The following DKKL1 variants were observed in gnomAD, a reference collection of about 807,000 sequenced individuals.
DKKL1 encodes dickkopf like acrosomal protein 1.
A neutral mutation model predicts 16.5 loss-of-function variants in DKKL1; 11 were observed. The observed-to-expected ratio is 0.67, with a 90% CI of 0.42 to 1.10. The LOEUF (loss-of-function observed/expected upper bound fraction) is 1.10. Ranked by LOEUF, DKKL1 falls within the 50% of genes least tolerant of loss-of-function variation. The pLI is 0.00. For synonymous variants in DKKL1, 119 were observed against 133.2 expected (o/e 0.89, Z 0.73); for missense variants, 320 against 308.1 (o/e 1.04, Z -0.29).
intron 4 of DKKL1, 101 bp downstream of exon 4, chr19:49,365,986 G>A: frequency 8.8e-7 from 1 of 1,130,286 alleles, no homozygotes; most frequent in Non-Finnish European, 1.2e-6. Context: ...GGAGTGCAGT[G>A]GCACGATCTT....
chr19:49,369,512 C>G (rs1973390383), intron 4 of DKKL1: 1 of 151,994 alleles, frequency 6.6e-6, no homozygotes, highest in Non-Finnish European at 1.5e-5. Context: ...TATCTGCCCA[C>G]CGAGCTACTC....
chr19:49,369,210 T>C (rs1973377488), intron 4 of DKKL1: 1 of 152,198 alleles, frequency 6.6e-6, no homozygotes, highest in Non-Finnish European at 1.5e-5. Flanking sequence ...AATTTTTCCT[T>C]GCGACACCAA....
intron 2 of DKKL1, among the ~76,000 whole-genome samples, chr19:49,364,973 G>C (rs558453611): frequency 2.6e-4 from 39 of 152,078 alleles, no homozygotes; most frequent in African/African-American, 8.7e-4. Flanking sequence ...TTGGAGACCA[G>C]CCTGGGTAAC....
At chr19:49,370,920 G>A (rs1452859094) in intron 4 of DKKL1, 2 of 152,216 alleles carry the variant, frequency 1.3e-5, no homozygotes, top group Admixed American at 6.5e-5. Flanking sequence ...CTGAAGAGAT[G>A]TCCTCAGGGC....
At chr19:49,364,865 A>G in intron 2 of DKKL1, 111 bp downstream of exon 2, 1 of 1,330,862 alleles carries the variant, frequency 7.5e-7, no homozygotes, top group Non-Finnish European at 1.0e-6. Context: ...AGAGGGCAAC[A>G]GGGAGACCAA....
intron 1 of DKKL1, 127 bp downstream of exon 1, chr19:49,364,135 A>C (rs1322441901): frequency 1.6e-6 from 2 of 1,281,808 alleles, no homozygotes; most frequent in Non-Finnish European, 2.2e-6. Flanking sequence ...GGATCGCTTG[A>C]GATCAGGAGT....
intron 4 of DKKL1, chr19:49,368,984 T>G (rs948357994): frequency 6.6e-6 from 1 of 152,100 alleles, no homozygotes; most frequent in African/African-American, 2.4e-5. Context: ...TTTAAGAAAG[T>G]TTTTTAAGTT....
chr19:49,371,132 T>G (rs1973465702), intron 4 of DKKL1: 1 of 152,156 alleles, frequency 6.6e-6, no homozygotes, highest in African/African-American at 2.4e-5. Context: ...GAAAAAACAA[T>G]AGAGACAAAG....
At position 49,363,888 on chromosome 19, in the gene DKKL1, C is replaced by T. The variant is rs950981447; in HGVS notation, c.-111C>T. On this transcript the variant is annotated 5_prime_UTR_variant, in exon 1 of 5. Coordinates refer to ENST00000221498, the MANE Select transcript of DKKL1 (RefSeq NM_014419.4). Reference sequence around the variant, plus strand: ...CAACGCTCTAGACCAGACCTGGGCTCGAGACCATAACTGTTTGGCTTTAAC... The same window carrying T: ...CAACGCTCTAGACCAGACCTGGGCTTGAGACCATAACTGTTTGGCTTTAAC... 2.1e-5 allele frequency: 31 copies of T among 1,466,638 alleles called. No individual in the cohort carries two copies. In the African/African-American group the frequency reaches 4.2e-4, roughly 20 times the overall value. 90.9% of individuals were successfully genotyped at this position (1,466,638 alleles called of 1,614,324 possible). A position where few individuals can be genotyped will look rare whatever the true frequency, so the allele number is the denominator to read the frequency against.
intron 4 of DKKL1, among the ~76,000 whole-genome samples, chr19:49,371,568 C>A (rs1973487381): frequency 3.3e-5 from 5 of 151,704 alleles, no homozygotes; most frequent in Admixed American, 1.3e-4. Flanking sequence ...AATGACTTAC[C>A]TTAGTTTTTA....
chr19:49,370,112 T>C (rs1367623046), intron 4 of DKKL1: 1 of 152,262 alleles, frequency 6.6e-6, no homozygotes. Flanking sequence ...ACATGGAAGA[T>C]ATCCTGGAAG....
chr19:49,370,846 C>T (rs1270617652), intron 4 of DKKL1: 1 of 152,244 alleles, frequency 6.6e-6, no homozygotes, highest in African/African-American at 2.4e-5. Flanking sequence ...AGCCCTATCT[C>T]TTCACAGGGC....
At chr19:49,373,464 T>C (rs544893787) in intron 4 of DKKL1, among the ~76,000 whole-genome samples, 1 of 152,190 alleles carries the variant, frequency 6.6e-6, no homozygotes, top group African/African-American at 2.4e-5. Context: ...GGAAACAATA[T>C]GGTTGTTTGT....
upstream of DKKL1, chr19:49,363,795 G>C: frequency 2.9e-6 from 2 of 692,158 alleles, no homozygotes; most frequent in Non-Finnish European, 2.5e-6. Flanking sequence ...CCGGGCTCCT[G>C]GGTGAGGCCG....
upstream of DKKL1, among the ~76,000 whole-genome samples, chr19:49,363,407 T>A (rs1045873926): frequency 6.6e-6 from 1 of 151,622 alleles, no homozygotes; most frequent in East Asian, 1.9e-4. Flanking sequence ...ACAATTAGAG[T>A]GAGAGCTAAA....
chr19:49,363,678 G>A, upstream of DKKL1: 1 of 434,260 alleles, frequency 2.3e-6, no homozygotes, highest in East Asian at 4.8e-5. Flanking sequence ...TGGTCTGACT[G>A]TGTGGGCGTG....
intron 1 of DKKL1, 87 bp downstream of exon 1, chr19:49,364,095 A>G (rs1973142430): frequency 1.9e-6 from 3 of 1,558,736 alleles, no homozygotes; most frequent in East Asian, 2.3e-5. Context: ...TACGCCTGCA[A>G]TCCCAACACT....
intron 4 of DKKL1, among the ~76,000 whole-genome samples, chr19:49,374,096 TGCCTCA>T (rs1483944322): frequency 1.3e-5 from 2 of 152,116 alleles, no homozygotes; most frequent in African/African-American, 2.4e-5. Context: ...GCCAATCTCC[TGCCTCA>T]GCCTCCCGAG....
At chr19:49,363,057 T>C (rs966447263), upstream of DKKL1, 3 of 151,376 alleles carry the variant, frequency 2.0e-5, no homozygotes, top group African/African-American at 2.4e-5. Flanking sequence ...GGGAGTTTAT[T>C]GGAGGCCCAC....
Sources: allele counts gnomAD v4.1 joint callset (sites outside exome capture counted in the v4.1 genomes callset), GRCh38; gene constraint gnomAD v4.1.1; transcripts MANE v1.5; gene names NCBI Gene and HGNC (gene_info 2026-07-23, HGNC 2026-07-21).